Variants in PSMD13 observed in about 807,000 individuals in gnomAD.
PSMD13 encodes proteasome 26S subunit, non-ATPase 13.
A neutral mutation model predicts 57.4 loss-of-function variants in PSMD13; 8 were observed. The observed-to-expected ratio is 0.14, with a 90% confidence interval of 0.08 to 0.25. PSMD13 has a LOEUF of 0.25. Ranked by LOEUF, PSMD13 falls within the 10% of genes least tolerant of loss-of-function variation. PSMD13 has a pLI of 1.00. For missense variants in PSMD13, 400 were observed against 461.5 expected, an observed-to-expected ratio of 0.87 and a Z score of 1.22; for synonymous variants, 193 against 168.2, an observed-to-expected ratio of 1.15 and a Z score of -1.14.
chr11:245,247 C>T (rs551413734), intron 6 of PSMD13, among the ~76,000 whole-genome samples: 52 of 152,150 alleles, frequency 3.4e-4, no homozygotes, highest in South Asian at 1.0e-3. Flanking sequence ...CCAGCCCCCC[C>T]GATTGCTAAC....
At position 237,064 on chromosome 11, in the gene PSMD13, G is replaced by A; in HGVS notation, c.15G>A (p.Pro5=). 1.2e-6 allele frequency: 2 copies of A among 1,613,848 alleles called. No individual in the cohort carries two copies. The highest frequency in any genetic ancestry group is 1.1e-5 in the South Asian group (1 of 91,064). The change falls in exon 1 of 13, where the codon CCG becomes CCA. Residue 5 remains proline, a synonymous_variant. Transcript: ENST00000532097. MKDV[P]GFLQQSQNSG... ...TTCCTGCTGTCATGAAGGACGTACCGGGCTTCCTACAGCAGAGCCAGAACT... is the reference window on the plus strand; with the variant it reads ...TTCCTGCTGTCATGAAGGACGTACCAGGCTTCCTACAGCAGAGCCAGAACT...
rs772883965 is a variant in PSMD13, at chr11:244,434, G to A, written c.274G>A (p.Val92Met). Residue 92 changes from valine (V) to methionine (M), a missense_variant, in exon 5 of 13, where the codon GTG becomes ATG. Coordinates refer to ENST00000532097, the MANE Select transcript of PSMD13 (RefSeq NM_002817.4). The part of the protein sequence containing the change: ...HVVRQMTDPN[V>M]ALTFLEKTRE... ...TGTTCCTTCTTTTCCAGATCCTAATGTGGCTCTTACTTTTCTGGAAAAGAC... is the reference window on the plus strand; with the variant it reads ...TGTTCCTTCTTTTCCAGATCCTAATATGGCTCTTACTTTTCTGGAAAAGAC... The A allele has an allele frequency of 5.6e-6, 9 of 1,611,300 alleles. No individual in the cohort carries two copies. In the South Asian group the frequency reaches 6.6e-5, roughly 12 times the overall value.
intron 2 of PSMD13, chr11:243,254 C>A: frequency 2.1e-6 from 1 of 469,188 alleles, no homozygotes; most frequent in Admixed American, 2.6e-5. Context: ...AAGATAGAGG[C>A]TGCCATTTTC....
intron 6 of PSMD13, 136 bp downstream of exon 6, chr11:244,897 A>G (rs1384574328): frequency 1.5e-6 from 1 of 676,720 alleles, no homozygotes; most frequent in Non-Finnish European, 2.4e-6. Flanking sequence ...AAAATAACAC[A>G]AAGAACTACT....
chr11:243,925 C>A, intron 2 of PSMD13, 116 bp from the exon 3 acceptor site: 1 of 1,046,058 alleles, frequency 9.6e-7, no homozygotes, highest in Non-Finnish European at 1.4e-6. Context: ...CTGTGGCTTG[C>A]ACACTCCCAA....
At chr11:244,845 A>C (rs1859596807) in intron 6 of PSMD13, 84 bp downstream of exon 6, 3 of 1,129,168 alleles carry the variant, frequency 2.7e-6, no homozygotes, top group Non-Finnish European at 3.7e-6. Flanking sequence ...TTTCTTCTTT[A>C]CTGTTTATTT....
At chr11:248,090 T>TA (rs1177862184) in intron 7 of PSMD13, 1 of 125,796 alleles carries the variant, frequency 7.9e-6, no homozygotes, top group Non-Finnish European at 1.6e-5. Context: ...TGCTGCAGAA[T>TA]AAAGGGCACG....
At position 252,648 on chromosome 11, in the gene PSMD13, C is replaced by T. The variant is rs1355214955; in HGVS notation, c.*48C>T. On this transcript the variant is annotated 3_prime_UTR_variant, in exon 13 of 13. Coordinates refer to ENST00000532097, the MANE Select transcript of PSMD13 (RefSeq NM_002817.4). This position sits in a 1 kb window ranked among gnomAD's most constrained non-coding sequence, Gnocchi z 4.1. ...TCTCCTTTGACTCACCTGAGAGAGG[C>T]GTTTGCAGCCAATGAAGCTGGCTGC... The T allele has an allele frequency of 1.3e-6, 2 of 1,562,416 alleles. No individual in the cohort carries two copies. The highest frequency in any genetic ancestry group is 1.8e-6 in the Non-Finnish European group (2 of 1,134,686).
rs141263892 is a variant in PSMD13 at position 237,082 on chromosome 11, C to T, written c.33C>T (p.Ser11=). The T allele has an allele frequency of 6.2e-7, 1 of 1,613,990 alleles. No individual in the cohort carries two copies. Among genetic ancestry groups the T allele is most frequent in the African/African-American group, 1.3e-5 (1 of 75,064 alleles). MKDVPGFLQQ[S]QNSGPGQPAV... ...ACGTACCGGGCTTCCTACAGCAGAG[C>T]CAGAACTCCGGGCCCGGGCAGCCCG... Residue 11 remains serine (S), a synonymous_variant, in exon 1 of 13, where the codon AGC becomes AGT. Coordinates refer to ENST00000532097, the MANE Select transcript of PSMD13 (RefSeq NM_002817.4).
At position 251,746 on chromosome 11, in the gene PSMD13, T is replaced by C; in HGVS notation, c.919-74T>C. 1.3e-6 allele frequency: 2 copies of C among 1,545,896 alleles called. No individual in the cohort carries two copies. The highest frequency in any genetic ancestry group is 8.9e-7 in the Non-Finnish European group (1 of 1,122,004). Reference sequence around the variant, plus strand: ...AAATGACGGGAGGAGCGGCATCTGCTTCTCACAAGCCATCTGGGTCCATGG... The same window carrying C: ...AAATGACGGGAGGAGCGGCATCTGCCTCTCACAAGCCATCTGGGTCCATGG... On this transcript the variant is annotated intron_variant, in intron 11 of 12. Transcript: ENST00000532097. This position sits in a 1 kb window ranked among gnomAD's most constrained non-coding sequence, Gnocchi z 4.6.
chr11:244,117 A>G (rs763610819), intron 3 of PSMD13, 42 bp downstream of exon 3: 6 of 1,606,088 alleles, frequency 3.7e-6, no homozygotes, highest in Non-Finnish European at 5.1e-6. Context: ...AAATGAGTGC[A>G]TTGATGCTCG....
chr11:247,668 C>T (rs1314591933), intron 7 of PSMD13: 1 of 387,520 alleles, frequency 2.6e-6, no homozygotes, highest in East Asian at 5.3e-5. Context: ...CCTGTCTCTA[C>T]TAAAAATACA....
At chr11:241,932 G>C (rs1358191469) in intron 2 of PSMD13, among the ~76,000 whole-genome samples, 1 of 152,036 alleles carries the variant, frequency 6.6e-6, no homozygotes. Context: ...CCTCAGAAAT[G>C]CCCCTGAAAC....
At chr11:246,500 CA>C (rs1055562065) in intron 6 of PSMD13, among the ~76,000 whole-genome samples, 23 of 149,810 alleles carry the variant, frequency 1.5e-4, no homozygotes, top group African/African-American at 4.9e-4. Context: ...GACTCTGTCT[CA>C]AAAAAAAAGG....
rs148960827 is a variant in PSMD13 at position 252,523 on chromosome 11, C to T, written c.1054C>T (p.Arg352Cys). 1.1e-5 allele frequency: 18 copies of T among 1,613,936 alleles called. No homozygotes were observed. Among genetic ancestry groups the T allele is most frequent in the African/African-American group, 6.7e-5 (5 of 74,882 alleles). ...ATTTCAGATCAAGGGAATGAAGGAC[C>T]GCCTGGAGTTCTGGTGCACGGATGT... ...DLQQIKGMKD[R>C]LEFWCTDVKS... is the part of the protein sequence containing the mutation. Residue 352 changes from arginine to cysteine, a missense_variant, in exon 13 of 13, where the codon CGC becomes TGC. By Grantham distance (180) the Arg-to-Cys change is radical. Coordinates refer to ENST00000532097, the MANE Select transcript of PSMD13 (RefSeq NM_002817.4). This position sits in a 1 kb window ranked among gnomAD's most constrained non-coding sequence, Gnocchi z 4.1.
rs1316709412 is a variant in PSMD13, at chr11:237,045, C to T, written c.-5C>T. 16 of 1,611,780 alleles carry T rather than the reference C, an allele frequency of 9.9e-6. No individual in the cohort carries two copies. The South Asian group carries it at 1.8e-4, about 18-fold the overall frequency. The stretch of plus-strand genomic sequence containing the variant: ...TTCTTCTGTGCCGGGGGTCTTCCTG[C>T]TGTCATGAAGGACGTACCGGGCTTC... On this transcript the variant is annotated 5_prime_UTR_variant, in exon 1 of 13. Transcript: ENST00000532097.
At chr11:241,331 A>G (rs933307962) in intron 2 of PSMD13, among the ~76,000 whole-genome samples, 4 of 146,256 alleles carry the variant, frequency 2.7e-5, no homozygotes, top group Non-Finnish European at 6.0e-5. Flanking sequence ...TAGAGATGGC[A>G]TTTCACCATG....
At chr11:245,861 G>C (rs7482591) in intron 6 of PSMD13, among the ~76,000 whole-genome samples, 120,495 of 152,062 alleles carry the variant, frequency 0.79, 48,034 homozygotes, top group African/African-American at 0.88. Context: ...TGCATACTTA[G>C]TGCATTTTAT....
At position 252,870 on chromosome 11, in the gene PSMD13, G is replaced by A. The variant is rs544596496; in HGVS notation, c.*270G>A. On this transcript the variant is annotated 3_prime_UTR_variant, in exon 13 of 13. Coordinates refer to ENST00000532097, the MANE Select transcript of PSMD13 (RefSeq NM_002817.4). This position sits in a 1 kb window ranked among gnomAD's most constrained non-coding sequence, Gnocchi z 4.1. The stretch of plus-strand genomic sequence containing the variant: ...AGAGAAAGAACGTGCCAGGCAGGAG[G>A]CCCCCTGAAGTCTGTGTACTCCGAG... The A allele has an allele frequency of 1.9e-4, 76 of 396,084 alleles. No individual in the cohort carries two copies. The highest frequency in any genetic ancestry group is 1.4e-3 in the African/African-American group (70 of 50,110). The allele number at this position is 396,084 out of a possible 1,614,324, so 24.5% of individuals were successfully genotyped here. A position where few individuals can be genotyped will look rare whatever the true frequency, so the allele number is the denominator to read the frequency against.
Sources: gnomAD v4.1 joint callset for allele counts (sites outside exome capture counted in the v4.1 genomes callset) on GRCh38, gnomAD v4.1.1 for gene constraint, Gnocchi (gnomAD v3.1) non-coding constraint, MANE v1.5 for transcripts, NCBI Gene and HGNC (gene_info 2026-07-23, HGNC 2026-07-21) for gene names.